Variants in TMEM161B observed in about 807,000 individuals in gnomAD.
TMEM161B encodes transmembrane protein 161B.
TMEM161B carries 34 observed loss-of-function variants against 61.8 expected under a neutral mutation model. The ratio of observed to expected loss-of-function variants is 0.55; its 90% CI spans 0.42 to 0.73. The LOEUF (loss-of-function observed/expected upper bound fraction) is 0.73, where lower values mean the gene tolerates loss of function less well. Ranked by LOEUF, TMEM161B falls within the 30% of genes least tolerant of loss-of-function variation. The pLI is 0.00. For synonymous variants in TMEM161B, 167 were observed against 192.8 expected, an observed-to-expected ratio of 0.87 and a Z score of 1.11; for missense variants, 456 against 558.5, an observed-to-expected ratio of 0.82 and a Z score of 1.85.
At chr5:88,243,180 C>A (rs1753017900) in intron 1 of TMEM161B, among the ~76,000 whole-genome samples, 1 of 151,818 alleles carries the variant, frequency 6.6e-6, no homozygotes, top group East Asian at 1.9e-4. Context: ...CAAATTATTT[C>A]ATCACCTAGG....
At chr5:88,218,224 A>C (rs1362460438) in intron 5 of TMEM161B, among the ~76,000 whole-genome samples, 1 of 152,168 alleles carries the variant, frequency 6.6e-6, no homozygotes, top group Admixed American at 6.5e-5. Context: ...CATTCCAGAA[A>C]GAGAGAAAAT....
At chr5:88,252,506 A>G (rs917598977) in intron 1 of TMEM161B, among the ~76,000 whole-genome samples, 3 of 152,228 alleles carry the variant, frequency 2.0e-5, no homozygotes, top group African/African-American at 7.2e-5. Context: ...ACAAAAGGAA[A>G]GAACAAAAAT....
At chr5:88,194,978 G>A (rs909567606), downstream of TMEM161B, 10 of 199,808 alleles carry the variant, frequency 5.0e-5, no homozygotes, top group African/African-American at 7.1e-5. Context: ...CAAATTATCC[G>A]TTTTGGCCAG....
chr5:88,224,954 AAT>A (rs1263825953), intron 4 of TMEM161B, among the ~76,000 whole-genome samples: 3 of 150,842 alleles, frequency 2.0e-5, no homozygotes, highest in Non-Finnish European at 2.9e-5. Context: ...TAACACACAA[AAT>A]ATGTTTTTGT....
intron 1 of TMEM161B, among the ~76,000 whole-genome samples, chr5:88,256,863 T>A: frequency 6.6e-6 from 1 of 152,228 alleles, no homozygotes; most frequent in Admixed American, 6.5e-5. Context: ...TAAAGAAAAT[T>A]ATTCACTTTA....
chr5:88,246,282 G>GA (rs559687030), intron 1 of TMEM161B, among the ~76,000 whole-genome samples: 2,869 of 146,228 alleles, frequency 0.02, 43 homozygotes, highest in Middle Eastern at 0.057. Flanking sequence ...ATGTGCTACT[G>GA]AAAAAAAAAA....
At chr5:88,244,119 G>C (rs2112677560) in intron 1 of TMEM161B, among the ~76,000 whole-genome samples, 1 of 151,954 alleles carries the variant, frequency 6.6e-6, no homozygotes, top group East Asian at 1.9e-4. Flanking sequence ...CTGTGCAGAA[G>C]CTCTTTAAAA....
At chr5:88,259,727 A>G (rs907931788) in intron 1 of TMEM161B, among the ~76,000 whole-genome samples, 2 of 152,236 alleles carry the variant, frequency 1.3e-5, no homozygotes, top group Admixed American at 6.5e-5. Flanking sequence ...TATGCCGGAT[A>G]GTAATGATTA....
At chr5:88,207,384 T>C (rs950588261) in intron 5 of TMEM161B, among the ~76,000 whole-genome samples, 2 of 152,178 alleles carry the variant, frequency 1.3e-5, no homozygotes, top group African/African-American at 2.4e-5. Flanking sequence ...CACTCAAATT[T>C]TACTAGAAGG....
intron 8 of TMEM161B, among the ~76,000 whole-genome samples, chr5:88,203,761 AT>A (rs1486058974): frequency 1.8e-3 from 3 of 1,624 alleles, no homozygotes; most frequent in African/African-American, 5.1e-3. Context: ...ATATATATAT[AT>A]ATATATATAT....
At chr5:88,238,558 C>T (rs896380821) in intron 2 of TMEM161B, among the ~76,000 whole-genome samples, 2 of 152,006 alleles carry the variant, frequency 1.3e-5, no homozygotes, top group African/African-American at 4.8e-5. Flanking sequence ...AAAAAAAATT[C>T]ATGATCCTCT....
chr5:88,240,922 T>C lies in TMEM161B; in HGVS notation c.4-6A>G. ...AGCTGTATACCTATCACACCCTGTG[T>C]AAAAAAAACAAACAAATTTAATAAT... On this transcript the variant is annotated splice_polypyrimidine_tract_variant and splice_region_variant and intron_variant, in intron 1 of 11. Transcript: ENST00000296595. 6.6e-7 allele frequency: 1 copy of C among 1,522,842 alleles called. No individual in the cohort carries two copies. The highest frequency in any genetic ancestry group is 1.3e-5 in the South Asian group (1 of 79,328). The allele number at this position is 1,522,842 out of a possible 1,614,324, so 94.3% of individuals were successfully genotyped here. A position where few individuals can be genotyped will look rare whatever the true frequency, so the allele number is the denominator to read the frequency against.
intron 2 of TMEM161B, among the ~76,000 whole-genome samples, chr5:88,228,789 A>G (rs1328740888): frequency 6.6e-6 from 1 of 152,214 alleles, no homozygotes; most frequent in Non-Finnish European, 1.5e-5. Context: ...ATGACAATGT[A>G]TTAATACATA....
intron 8 of TMEM161B, 154 bp downstream of exon 8, chr5:88,205,660 G>T (rs953002674): frequency 3.8e-6 from 3 of 793,936 alleles, no homozygotes; most frequent in South Asian, 2.2e-5. Context: ...GCAAATAAAA[G>T]AAACTTGCTT....
chr5:88,234,051 T>C (rs1213711316), intron 2 of TMEM161B, among the ~76,000 whole-genome samples: 4 of 151,944 alleles, frequency 2.6e-5, no homozygotes, highest in South Asian at 2.1e-4. Flanking sequence ...AACTAAGAAA[T>C]GGATATGGAG....
chr5:88,230,593 C>G (rs1164152011), intron 2 of TMEM161B, among the ~76,000 whole-genome samples: 1 of 152,190 alleles, frequency 6.6e-6, no homozygotes, highest in Admixed American at 6.5e-5. Flanking sequence ...GTGACACTTT[C>G]TGGCTTGACT....
chr5:88,232,514 T>G (rs1001079061), intron 2 of TMEM161B, among the ~76,000 whole-genome samples: 1 of 152,220 alleles, frequency 6.6e-6, no homozygotes, highest in East Asian at 1.9e-4. Flanking sequence ...GAACTCTCAG[T>G]ATAGGAAAAA....
intron 11 of TMEM161B, among the ~76,000 whole-genome samples, 187 bp downstream of exon 11, chr5:88,197,482 T>A (rs112081581): frequency 1.3e-5 from 2 of 152,134 alleles, no homozygotes; most frequent in South Asian, 4.1e-4. Context: ...TATAAAACCA[T>A]GGGCCTGAGT....
At chr5:88,227,304 C>T (rs905856992) in intron 3 of TMEM161B, among the ~76,000 whole-genome samples, 1 of 152,170 alleles carries the variant, frequency 6.6e-6, no homozygotes, top group African/African-American at 2.4e-5. Flanking sequence ...GTTACCAGTA[C>T]GTAACCTTAC....
Sources: allele counts gnomAD v4.1 joint callset (sites outside exome capture counted in the v4.1 genomes callset), GRCh38; gene constraint gnomAD v4.1.1; transcripts MANE v1.5; gene names NCBI Gene and HGNC (gene_info 2026-07-23, HGNC 2026-07-21).